Variants in CYLD observed in about 807,000 individuals in gnomAD.
The protein encoded by CYLD is CYLD lysine 63 deubiquitinase.
CYLD carries 26 observed loss-of-function variants against 104.5 expected under a neutral mutation model. The observed-to-expected ratio is 0.25, with a 90% CI of 0.18 to 0.35. CYLD has a LOEUF of 0.35. Ranked by LOEUF, CYLD falls within the 10% of genes least tolerant of loss-of-function variation. The pLI, the probability that CYLD is intolerant of heterozygous loss-of-function variation, is 1.00. For missense variants in CYLD, 703 were observed against 1,136.1 expected (o/e 0.62, Z 5.48); for synonymous variants, 385 against 399.9 (o/e 0.96, Z 0.45).
At chr16:50,747,707 A>G (rs1966311124) in intron 2 of CYLD, among the ~76,000 whole-genome samples, 1 of 152,150 alleles carries the variant, frequency 6.6e-6, no homozygotes, top group South Asian at 2.1e-4. Context: ...CAGGTGTCTT[A>G]TATAAGTGGC....
rs1015364746 is a variant in CYLD, at chr16:50,784,186, G to C, written c.1827-143G>C. The C allele has an allele frequency of 8.9e-5, 73 of 817,660 alleles. No individual in the cohort carries two copies. The East Asian group carries it at 1.9e-3, about 22-fold the overall frequency. The allele number at this position is 817,660 out of a possible 1,614,324, so 50.7% of individuals were successfully genotyped here. Reference sequence around the variant, plus strand: ...CATGGGTATCTTCACAGGGGTCCTGGTACCTGTGTTAATGAAAAACACAAA... The same window carrying C: ...CATGGGTATCTTCACAGGGGTCCTGCTACCTGTGTTAATGAAAAACACAAA... On this transcript the variant is annotated intron_variant, in intron 11 of 18. Transcript: ENST00000427738.
At chr16:50,782,161 G>T (rs1451547434) in intron 10 of CYLD, among the ~76,000 whole-genome samples, 164 bp from the exon 11 acceptor site, 1 of 152,036 alleles carries the variant, frequency 6.6e-6, no homozygotes, top group East Asian at 1.9e-4. Flanking sequence ...ATTTTTATAA[G>T]CCAAGTCAAA....
Position 50,780,050 on chromosome 16 carries a change from T to G in CYLD, c.1518+6T>G, listed in dbSNP as rs1218171933. The G allele has an allele frequency of 3.1e-6, 5 of 1,613,790 alleles. No individual in the cohort carries two copies. The African/African-American group carries it at 6.7e-5, about 22-fold the overall frequency. ...TGCTCGCTGGACTGGAACTGGTAAT[T>G]TAACTTGACCCAAAAATTTCAATTT... On this transcript the variant is annotated splice_donor_region_variant and intron_variant, in intron 9 of 18. Transcript: ENST00000427738.
chr16:50,754,708 A>G (rs1460084220), intron 5 of CYLD, among the ~76,000 whole-genome samples: 1 of 150,530 alleles, frequency 6.6e-6, no homozygotes, highest in African/African-American at 2.4e-5. Flanking sequence ...GCTCCTACAT[A>G]TAAGTGAGAA....
chr16:50,777,607 A>G (rs1409134362), intron 7 of CYLD, among the ~76,000 whole-genome samples: 4 of 152,006 alleles, frequency 2.6e-5, no homozygotes, highest in African/African-American at 9.7e-5. Flanking sequence ...TTTCCCTCCT[A>G]TCTTGACTTT....
chr16:50,765,844 C>T (rs978103562), intron 5 of CYLD, among the ~76,000 whole-genome samples: 1 of 47,346 alleles, frequency 2.1e-5, no homozygotes, highest in African/African-American at 2.7e-4. Context: ...TAACTCTCTT[C>T]AATTCTGAAA....
intron 5 of CYLD, among the ~76,000 whole-genome samples, chr16:50,764,161 C>T (rs1440161037): frequency 2.0e-5 from 3 of 152,062 alleles, no homozygotes; most frequent in African/African-American, 7.2e-5. Flanking sequence ...TATACTTTTT[C>T]CCTTTTAGCT....
rs1385832868 is a variant in CYLD at position 50,799,072 on chromosome 16, G to C, written c.*2564G>C. The C allele has an allele frequency of 4.3e-6, 1 of 233,312 alleles. No homozygotes were observed. The highest frequency in any genetic ancestry group is 8.5e-6 in the Non-Finnish European group (1 of 118,080). The allele number at this position is 233,312 out of a possible 1,614,324, so 14.5% of individuals were successfully genotyped here. ...AGTTGGGGCTGGGCTGCATGGCACAGGGGCTTATGTGCCTGCTGGTTATTT... is the reference window on the plus strand; with the variant it reads ...AGTTGGGGCTGGGCTGCATGGCACACGGGCTTATGTGCCTGCTGGTTATTT... On this transcript the variant is annotated 3_prime_UTR_variant, in exon 19 of 19. Transcript: ENST00000427738.
intron 5 of CYLD, among the ~76,000 whole-genome samples, chr16:50,770,453 CT>C (rs1187147281): frequency 1.8e-3 from 252 of 141,872 alleles, no homozygotes; most frequent in Non-Finnish European, 2.0e-3. Flanking sequence ...TTCTTTCTTT[CT>C]TTTTTTTTTT....
intron 3 of CYLD, 97 bp from the exon 4 acceptor site, chr16:50,751,507 T>C (rs1466389193): frequency 4.0e-6 from 4 of 1,003,118 alleles, no homozygotes; most frequent in Non-Finnish European, 6.0e-6. Flanking sequence ...ATTTAGAAAT[T>C]TTCCAGAGTG....
At chr16:50,753,717 C>T (rs1027133147) in intron 4 of CYLD, among the ~76,000 whole-genome samples, 1 of 152,130 alleles carries the variant, frequency 6.6e-6, no homozygotes, top group East Asian at 1.9e-4. Flanking sequence ...TGATGTAGTT[C>T]CCTGTACAGC....
chr16:50,749,924 G>C lies in CYLD; in HGVS notation c.226G>C (p.Glu76Gln). ...AAATCAGATTGGATTAAAAATTCTA[G>C]AGCAACCTCATGCAGTTCTCTTTGT... The part of the protein sequence containing the change: ...KKNQIGLKIL[E>Q]QPHAVLFVDE... The change falls in exon 3 of 19, where the codon GAG (glutamate) becomes CAG (glutamine). Residue 76 changes from glutamate (E) to glutamine (Q), a missense_variant. Glu to Gln is a conservative substitution (Grantham distance 29). Around this residue, in one of 5 missense-constraint regions of CYLD, gnomAD observed 142 missense variants for 165.1 expected, o/e 0.86. Transcript: ENST00000427738. 6.2e-7 allele frequency: 1 copy of C among 1,614,092 alleles called. No homozygotes were observed. The highest frequency in any genetic ancestry group is 8.5e-7 in the Non-Finnish European group (1 of 1,180,008).
At chr16:50,793,426 C>CT (rs1971627102) in intron 16 of CYLD, 120 bp from the exon 17 acceptor site, 15 of 797,118 alleles carry the variant, frequency 1.9e-5, no homozygotes, top group Non-Finnish European at 3.2e-5. Context: ...GAGAAAGAGA[C>CT]TTTTTTGAAG....
intron 2 of CYLD, among the ~76,000 whole-genome samples, chr16:50,749,347 G>C (rs1175605440): frequency 6.6e-6 from 1 of 152,134 alleles, no homozygotes; most frequent in Non-Finnish European, 1.5e-5. Context: ...CTTTACAATT[G>C]GATTTCATTA....
At chr16:50,759,650 C>T (rs1344067689) in intron 5 of CYLD, among the ~76,000 whole-genome samples, 3 of 152,160 alleles carry the variant, frequency 2.0e-5, no homozygotes, top group East Asian at 3.9e-4. Flanking sequence ...TAGTATATTT[C>T]GTCATGTGAC....
At chr16:50,755,098 C>CGTGT (rs1305277243) in intron 5 of CYLD, among the ~76,000 whole-genome samples, 10 of 115,852 alleles carry the variant, frequency 8.6e-5, no homozygotes, top group South Asian at 7.3e-4. Context: ...TATATACATA[C>CGTGT]ATATATACAC....
chr16:50,762,245 A>T (rs878959126), intron 5 of CYLD, among the ~76,000 whole-genome samples: 1 of 151,956 alleles, frequency 6.6e-6, no homozygotes, highest in Non-Finnish European at 1.5e-5. Context: ...TATTATTAAC[A>T]CTAGTCTCCT....
chr16:50,752,760 A>G (rs1966735359), intron 4 of CYLD, among the ~76,000 whole-genome samples: 1 of 152,194 alleles, frequency 6.6e-6, no homozygotes, highest in African/African-American at 2.4e-5. Flanking sequence ...GAGTGGAATC[A>G]TACAACATTT....
intron 11 of CYLD, chr16:50,783,788 C>G (rs1377212426): frequency 6.2e-6 from 1 of 160,742 alleles, no homozygotes; most frequent in Non-Finnish European, 1.4e-5. Flanking sequence ...ATTCACCCGT[C>G]TCGGCCTCCC....
Sources: allele counts gnomAD v4.1 joint callset (sites outside exome capture counted in the v4.1 genomes callset), GRCh38; gene constraint gnomAD v4.1.1; regional missense constraint gnomAD v4.1.1; transcripts MANE v1.5; gene names NCBI Gene and HGNC (gene_info 2026-07-23, HGNC 2026-07-21).